SERP2: variants seen among roughly 807,000 people sequenced by gnomAD.
SERP2 encodes the protein stress associated endoplasmic reticulum protein family member 2.
Under a neutral mutation model 9.1 loss-of-function variants are expected in SERP2, and 6 were observed. That is an observed-to-expected ratio of 0.66 (90% CI 0.36 to 1.30). SERP2 has a LOEUF of 1.30. Ranked by LOEUF, SERP2 falls within the 50% of genes most tolerant of loss-of-function variation. The pLI, the probability that SERP2 is intolerant of heterozygous loss-of-function variation, is 0.03. For missense variants in SERP2, 58 were observed against 81.9 expected, an observed-to-expected ratio of 0.71 and a Z score of 1.13; for synonymous variants, 37 against 27.3, an observed-to-expected ratio of 1.35 and a Z score of -1.10.
In SERP2 at chr13:44,397,429, C is replaced by T; in HGVS notation, c.*117C>T. The stretch of plus-strand genomic sequence containing the variant: ...ACACGGAATAGAAAAAAACGCTCCC[C>T]CACTTGTTCCCTGATCACTTCATCG... On this transcript the variant is annotated 3_prime_UTR_variant, in exon 3 of 3. Coordinates refer to ENST00000379179, the MANE Select transcript of SERP2 (RefSeq NM_001010897.3). 1 of 763,894 alleles carries T rather than the reference C, an allele frequency of 1.3e-6. No homozygotes were observed. The allele number at this position is 763,894 out of a possible 1,614,324, so 47.3% of individuals were successfully genotyped here. A position where few individuals can be genotyped will look rare whatever the true frequency, so the allele number is the denominator to read the frequency against.
At chr13:44,383,549 T>TG (rs57251323) in intron 2 of SERP2, among the ~76,000 whole-genome samples, 36,860 of 133,438 alleles carry the variant, frequency 0.28, 6,490 homozygotes, top group East Asian at 0.53. Context: ...TTTGCGTTTT[T>TG]TTTGTTTTTT....
Position 44,373,979 on chromosome 13 carries a change from C to T in SERP2, c.-47C>T, listed in dbSNP as rs779370595. 5 of 1,520,082 alleles carry T rather than the reference C, an allele frequency of 3.3e-6. No individual in the cohort carries two copies. In the East Asian group the frequency reaches 1.3e-4, roughly 39 times the overall value. The allele number at this position is 1,520,082 out of a possible 1,614,324, so 94.2% of individuals were successfully genotyped here. ...CGCTCGGCCCTGTCGCAGGAGCTAA[C>T]GCAGGGGGAATCCTTGCAGGTGGGA... is the stretch of plus-strand genomic sequence containing the variant. On this transcript the variant is annotated 5_prime_UTR_variant, in exon 1 of 3. It adds an upstream start codon to the 5' untranslated region. Transcript: ENST00000379179. The surrounding 1 kb of genome is among the most constrained non-coding windows in gnomAD (Gnocchi z 4.8).
chr13:44,391,180 C>A (rs1872735991), intron 2 of SERP2: 1 of 152,162 alleles, frequency 6.6e-6, no homozygotes, highest in South Asian at 2.1e-4. Context: ...GGCACTCCCT[C>A]TTAGCTGGGG....
chr13:44,378,672 T>G (rs183911108), intron 1 of SERP2, among the ~76,000 whole-genome samples: 261 of 152,346 alleles, frequency 1.7e-3, no homozygotes, highest in Middle Eastern at 6.8e-3. Flanking sequence ...TGTTGTTGTT[T>G]TTTTTTTCAC....
chr13:44,386,663 G>A (rs972352658), intron 2 of SERP2, among the ~76,000 whole-genome samples: 7 of 152,340 alleles, frequency 4.6e-5, no homozygotes, highest in Non-Finnish European at 8.8e-5. Flanking sequence ...GATTACAGGC[G>A]TGAGCCACCA....
intron 1 of SERP2, among the ~76,000 whole-genome samples, chr13:44,374,714 G>C (rs960743736): frequency 6.6e-6 from 1 of 152,152 alleles, no homozygotes; most frequent in Admixed American, 6.5e-5. Flanking sequence ...GGTGTGGAAA[G>C]AGCTCAAAAT....
At chr13:44,376,833 T>TC (rs1190376558) in intron 1 of SERP2, among the ~76,000 whole-genome samples, 39 of 152,232 alleles carry the variant, frequency 2.6e-4, no homozygotes, top group Non-Finnish European at 5.6e-4. Flanking sequence ...AGTAGTAACT[T>TC]CTCCAGAATG....
chr13:44,392,706 C>T (rs2138797502), intron 2 of SERP2, among the ~76,000 whole-genome samples: 1 of 152,140 alleles, frequency 6.6e-6, no homozygotes, highest in South Asian at 2.1e-4. Context: ...TGAGAAGGTC[C>T]TGTTGAGTCC....
chr13:44,374,091 G>A lies in SERP2; in HGVS notation c.66G>A (p.Gly22=), dbSNP rs754054255. ...ACAGCAAAAACATCACCCAGAGGGG[G>A]AACGTAGCCAAAACCCTGGTAAGGC... ...EKHSKNITQR[G]NVAKTLRPQE... is the part of the protein sequence containing the mutation. The change falls in exon 1 of 3, where the codon GGG becomes GGA. Residue 22 remains glycine, a synonymous_variant. Coordinates refer to ENST00000379179, the MANE Select transcript of SERP2 (RefSeq NM_001010897.3). 2.6e-6 allele frequency: 4 copies of A among 1,546,562 alleles called. No individual in the cohort carries two copies. The highest frequency in any genetic ancestry group is 1.7e-4 in the Middle Eastern group (1 of 5,766).
At chr13:44,381,665 C>A (rs941501220) in intron 2 of SERP2, among the ~76,000 whole-genome samples, 11 of 152,190 alleles carry the variant, frequency 7.2e-5, no homozygotes, top group African/African-American at 2.4e-4. Context: ...TAATGTGACC[C>A]AGGCTTGCAG....
chr13:44,386,224 T>C (rs1872305843), intron 2 of SERP2, among the ~76,000 whole-genome samples: 1 of 152,298 alleles, frequency 6.6e-6, no homozygotes, highest in South Asian at 2.1e-4. Context: ...AAATGTGAGT[T>C]TCATTTCCTT....
At position 44,374,045 on chromosome 13, in the gene SERP2, T is replaced by G. The variant is rs769481862; in HGVS notation, c.20T>G (p.Ile7Ser). The G allele has an allele frequency of 1.9e-5, 30 of 1,591,940 alleles. No homozygotes were observed. Among genetic ancestry groups the G allele is most frequent in the Non-Finnish European group, 2.5e-5 (29 of 1,169,792 alleles). ...CAAGCCATGGTGGCCAAACAGCGGA[T>G]CCGGATGGCTAACGAGAAGCACAGC... Reference protein sequence around the residue: MVAKQRIRMANEKHSKN... With the variant: MVAKQRSRMANEKHSKN... The change falls in exon 1 of 3, where the codon ATC (isoleucine) becomes AGC (serine). Residue 7 changes from isoleucine (I) to serine (S), a missense_variant. Physicochemically the swap from Ile to Ser is moderately radical, Grantham distance 142. Coordinates refer to ENST00000379179, the MANE Select transcript of SERP2 (RefSeq NM_001010897.3).
At chr13:44,395,834 C>A in intron 2 of SERP2, 1 of 457,244 alleles carries the variant, frequency 2.2e-6, no homozygotes, top group Non-Finnish European at 4.4e-6. Context: ...ACAGGACCCA[C>A]TGCAGATTGG....
intron 1 of SERP2, 68 bp downstream of exon 1, chr13:44,374,177 C>CGGGGGGGGGGGGGGGGGGTGGGGGGGGG: frequency 2.0e-5 from 3 of 151,760 alleles, no homozygotes; most frequent in East Asian, 1.5e-4. Context: ...AAGGTGGGGG[C>CGGGGGGGGGGGGGGGGGGTGGGGGGGGG]GGGGCCGGGC....
At chr13:44,394,457 C>T (rs1872966396) in intron 2 of SERP2, among the ~76,000 whole-genome samples, 1 of 152,124 alleles carries the variant, frequency 6.6e-6, no homozygotes, top group African/African-American at 2.4e-5. Flanking sequence ...TGTAACAGTT[C>T]CTTCAAAAAG....
intron 1 of SERP2, among the ~76,000 whole-genome samples, chr13:44,375,149 G>A (rs192030975): frequency 1.3e-5 from 2 of 152,124 alleles, no homozygotes; most frequent in Non-Finnish European, 2.9e-5. Flanking sequence ...TCCAGCTGAA[G>A]CCTGGAGTTT....
rs764816852 is a variant in SERP2 at position 44,397,364 on chromosome 13, C to T, written c.*52C>T. On this transcript the variant is annotated 3_prime_UTR_variant, in exon 3 of 3. Transcript: ENST00000379179. Reference sequence around the variant, plus strand: ...CCTCCCACTGGAGGCGGGAGGACAACGGAAGCGGTCAGCCAGTTTCTGCGG... The same window carrying T: ...CCTCCCACTGGAGGCGGGAGGACAATGGAAGCGGTCAGCCAGTTTCTGCGG... 26 of 1,406,452 alleles carry T rather than the reference C, an allele frequency of 1.8e-5. No homozygotes were observed. Among genetic ancestry groups the T allele is most frequent in the East Asian group, 1.4e-4 (6 of 43,944 alleles). The allele number at this position is 1,406,452 out of a possible 1,614,324, so 87.1% of individuals were successfully genotyped here. A position where few individuals can be genotyped will look rare whatever the true frequency, so the allele number is the denominator to read the frequency against.
In SERP2 at chr13:44,377,287, T is replaced by C. The variant is rs369784486; in HGVS notation, c.85-2354T>C. 4.6e-5 allele frequency among the ~76,000 whole-genome samples: 7 copies of C among 152,352 alleles called. No homozygotes were observed. The East Asian group carries it at 1.3e-3, about 29-fold the overall frequency. ...AGTAATTCATTACAGGCTTCTGAAT[T>C]CACTTATTAGCTTTGCTGGAAATAG... On this transcript the variant is annotated intron_variant, in intron 1 of 2. Transcript: ENST00000379179.
chr13:44,381,238 C>CAAA (rs58535681), intron 2 of SERP2, among the ~76,000 whole-genome samples: 9 of 45,978 alleles, frequency 2.0e-4, no homozygotes, highest in African/African-American at 3.5e-4. Context: ...AACTCCGTCT[C>CAAA]AAAAAAAAAA....
Sources: gnomAD v4.1 joint callset for allele counts (sites outside exome capture counted in the v4.1 genomes callset) on GRCh38, gnomAD v4.1.1 for gene constraint, Gnocchi (gnomAD v3.1) non-coding constraint, MANE v1.5 for transcripts, NCBI Gene and HGNC (gene_info 2026-07-23, HGNC 2026-07-21) for gene names.